Variants in GDPD1 observed in about 807,000 individuals in gnomAD.
GDPD1 encodes glycerophosphodiester phosphodiesterase domain containing 1, also known as lysophospholipase D GDPD1.
A neutral mutation model predicts 45.1 loss-of-function variants in GDPD1; 28 were observed. That is an observed-to-expected ratio of 0.62 (90% CI 0.46 to 0.85). The LOEUF (loss-of-function observed/expected upper bound fraction) is 0.85. Among genes scored for constraint, GDPD1 ranks in the 40% least tolerant of loss-of-function variants. The pLI is 0.00. For synonymous variants in GDPD1, 139 were observed against 131.4 expected, an observed-to-expected ratio of 1.06 and a Z score of -0.40; for missense variants, 256 against 364.8, an observed-to-expected ratio of 0.70 and a Z score of 2.43.
chr17:59,226,856 T>G (rs1230911247), intron 1 of GDPD1, among the ~76,000 whole-genome samples: 1 of 151,810 alleles, frequency 6.6e-6, no homozygotes, highest in Non-Finnish European at 1.5e-5. Context: ...TTTTTTTGTA[T>G]TTTTAGTAGA....
chr17:59,263,977 A>C (rs1389133236), intron 6 of GDPD1, among the ~76,000 whole-genome samples: 1 of 152,042 alleles, frequency 6.6e-6, no homozygotes, highest in Non-Finnish European at 1.5e-5. Flanking sequence ...CCAAAGTTGC[A>C]TAAGTATTTT....
In GDPD1 at chr17:59,267,128, A is replaced by G; in HGVS notation, c.664A>G (p.Ile222Val). ...CACTGGCCTCTTGCCCTTTGTGCCC[A>G]TTCGAGAACAGTTTTTTGAAATCCC... ...FFTGLLPFVP[I>V]REQFFEIPMP... Residue 222 changes from isoleucine to valine, a missense_variant, in exon 7 of 10, where the codon ATT (isoleucine) becomes GTT (valine). Physicochemically the swap from Ile to Val is conservative, Grantham distance 29. Transcript: ENST00000284116. The G allele has an allele frequency of 6.2e-7, 1 of 1,613,972 alleles. No individual in the cohort carries two copies. Among genetic ancestry groups the G allele is most frequent in the Non-Finnish European group, 8.5e-7 (1 of 1,179,922 alleles).
intron 6 of GDPD1, among the ~76,000 whole-genome samples, chr17:59,262,879 C>G (rs1044811185): frequency 6.6e-6 from 1 of 152,064 alleles, no homozygotes; most frequent in African/African-American, 2.4e-5. Context: ...CCGCCCACCT[C>G]GGCCTCCCAC....
At chr17:59,266,081 A>T (rs970898170) in intron 6 of GDPD1, among the ~76,000 whole-genome samples, 1 of 151,828 alleles carries the variant, frequency 6.6e-6, no homozygotes, top group Non-Finnish European at 1.5e-5. Flanking sequence ...AAATAGATTT[A>T]AAAAATGATT....
At chr17:59,254,422 T>C (rs2047280852) in intron 4 of GDPD1, among the ~76,000 whole-genome samples, 2 of 151,532 alleles carry the variant, frequency 1.3e-5, no homozygotes, top group Non-Finnish European at 2.9e-5. Context: ...TCTCAGCTAT[T>C]TGGAGGCTGA....
intron 1 of GDPD1, among the ~76,000 whole-genome samples, chr17:59,224,966 A>G (rs1473675005): frequency 6.6e-6 from 1 of 152,176 alleles, no homozygotes; most frequent in Non-Finnish European, 1.5e-5. Flanking sequence ...GTCAGATATT[A>G]AAGAGATTTG....
intron 7 of GDPD1, among the ~76,000 whole-genome samples, chr17:59,267,610 G>A (rs1362624802): frequency 6.6e-6 from 1 of 150,896 alleles, no homozygotes; most frequent in Non-Finnish European, 1.5e-5. Context: ...AAAACCTCTG[G>A]AGATAGGAAA....
At chr17:59,266,524 T>C (rs2047400369) in intron 6 of GDPD1, among the ~76,000 whole-genome samples, 2 of 152,230 alleles carry the variant, frequency 1.3e-5, no homozygotes, top group Admixed American at 1.3e-4. Flanking sequence ...AAACTTAAAA[T>C]GGTGGTTAGA....
chr17:59,255,829 G>GTGTA (rs373837193), intron 4 of GDPD1, among the ~76,000 whole-genome samples: 6,586 of 50,744 alleles, frequency 0.13, 574 homozygotes, highest in South Asian at 0.27. Flanking sequence ...ATATATATAC[G>GTGTA]CGTATATATA....
At chr17:59,248,042 G>GT (rs2047225670) in intron 3 of GDPD1, among the ~76,000 whole-genome samples, 3 of 151,624 alleles carry the variant, frequency 2.0e-5, no homozygotes, top group Admixed American at 1.3e-4. Flanking sequence ...TTTATATAAC[G>GT]TTTTCTCTAT....
intron 3 of GDPD1, among the ~76,000 whole-genome samples, chr17:59,248,213 C>G (rs2047227021): frequency 6.6e-6 from 1 of 151,710 alleles, no homozygotes; most frequent in Non-Finnish European, 1.5e-5. Context: ...TTCTGAGGAT[C>G]CACTGAGCTC....
At chr17:59,252,917 C>T (rs2047267005) in intron 4 of GDPD1, among the ~76,000 whole-genome samples, 1 of 151,762 alleles carries the variant, frequency 6.6e-6, no homozygotes, top group Admixed American at 6.6e-5. Flanking sequence ...TCGCTGAAAC[C>T]CAGGAGGTGG....
rs1597998189 is a variant in GDPD1 at position 59,274,842 on chromosome 17, GA to G, written c.*1070del. ...ACTGGAATACAATCAATTAGTAAAAGATTTTTTTTTTTTTTTTGACATGTAG... is the reference window on the plus strand; with the variant it reads ...ACTGGAATACAATCAATTAGTAAAAGTTTTTTTTTTTTTTTTGACATGTAG... On this transcript the variant is annotated 3_prime_UTR_variant, in exon 10 of 10. Coordinates refer to ENST00000284116, the MANE Select transcript of GDPD1 (RefSeq NM_182569.4). Among the ~76,000 whole-genome samples the G allele has an allele frequency of 6.8e-6, 1 of 147,156 alleles. No individual in the cohort carries two copies. Among genetic ancestry groups the G allele is most frequent in the African/African-American group, 2.6e-5 (1 of 38,362 alleles).
intron 1 of GDPD1, among the ~76,000 whole-genome samples, chr17:59,223,529 GAC>G (rs2047022176): frequency 6.6e-6 from 1 of 152,110 alleles, no homozygotes; most frequent in Admixed American, 6.6e-5. Context: ...TTTTGTCTTC[GAC>G]ACGGATAATA....
Position 59,270,311 on chromosome 17 carries a change from C to T in GDPD1, c.711-625C>T, listed in dbSNP as rs148342792. 5.3e-3 allele frequency among the ~76,000 whole-genome samples: 800 copies of T among 151,572 alleles called. 11 individuals are homozygous for T. Among genetic ancestry groups the T allele is most frequent in the African/African-American group, 0.018 (753 of 41,230 alleles). Reference sequence around the variant, plus strand: ...TGGGTTCAAGCAGTTCTCCTGTCTCCGGCTCCTGAGTAGCTGTGATTACAG... The same window carrying T: ...TGGGTTCAAGCAGTTCTCCTGTCTCTGGCTCCTGAGTAGCTGTGATTACAG... On this transcript the variant is annotated intron_variant, in intron 7 of 9. Coordinates refer to ENST00000284116, the MANE Select transcript of GDPD1 (RefSeq NM_182569.4).
chr17:59,257,678 A>AT, intron 5 of GDPD1, 73 bp from the exon 6 acceptor site: 1 of 906,340 alleles, frequency 1.1e-6, no homozygotes, highest in Non-Finnish European at 1.8e-6. Flanking sequence ...ATTCTAATTC[A>AT]TTTTTTAAGT....
At chr17:59,273,133 CTTT>C (rs71145547) in intron 9 of GDPD1, 3 of 164,846 alleles carry the variant, frequency 1.8e-5, no homozygotes, top group African/African-American at 2.5e-5. Flanking sequence ...TTACTTTTTT[CTTT>C]TTTTTTTTTG....
At chr17:59,256,837 A>T (rs752828467) in intron 4 of GDPD1, among the ~76,000 whole-genome samples, 4 of 152,164 alleles carry the variant, frequency 2.6e-5, no homozygotes, top group Non-Finnish European at 4.4e-5. Flanking sequence ...AAGCACAGTA[A>T]ATCAACAGGA....
chr17:59,232,911 A>G (rs948347957), intron 1 of GDPD1, among the ~76,000 whole-genome samples: 10 of 152,020 alleles, frequency 6.6e-5, no homozygotes, highest in Admixed American at 3.3e-4. Context: ...GTGTATGGTA[A>G]TTTTTTAATC....
Sources: allele counts gnomAD v4.1 joint callset (sites outside exome capture counted in the v4.1 genomes callset), GRCh38; gene constraint gnomAD v4.1.1; transcripts MANE v1.5; gene names NCBI Gene and HGNC (gene_info 2026-07-23, HGNC 2026-07-21).